Variants in PON2 observed in about 807,000 individuals in gnomAD.
PON2 encodes the protein paraoxonase 2.
Under a neutral mutation model 36.6 loss-of-function variants are expected in PON2, and 27 were observed. The observed-to-expected ratio is 0.74, with a 90% CI of 0.54 to 1.02. The LOEUF (loss-of-function observed/expected upper bound fraction) is 1.02. PON2 is among the 50% of genes least tolerant of loss of function. The probability of loss-of-function intolerance (pLI) is 0.00; values close to 1 mark genes in which losing one functional copy is unlikely to be tolerated. For missense variants in PON2, 363 were observed against 421.1 expected (o/e 0.86, Z 1.21); for synonymous variants, 149 against 156.3 (o/e 0.95, Z 0.35).
chr7:95,404,945 C>G lies in PON2; in HGVS notation c.*385G>C. On this transcript the variant is annotated 3_prime_UTR_variant, in exon 9 of 9. Transcript: ENST00000222572. ...AGTACAAAACATCAAAATACGTTAT[C>G]AGTAGTTCTAAACAGCCATAGTAGT... The G allele has an allele frequency of 5.5e-6, 1 of 182,728 alleles. No homozygotes were observed. Among genetic ancestry groups the G allele is most frequent in the Admixed American group, 5.6e-5 (1 of 17,900 alleles). The allele number at this position is 182,728 out of a possible 1,614,324, so 11.3% of individuals were successfully genotyped here.
At chr7:95,408,230 C>A (rs1809756575) in intron 6 of PON2, among the ~76,000 whole-genome samples, 1 of 152,082 alleles carries the variant, frequency 6.6e-6, no homozygotes, top group African/African-American at 2.4e-5. Context: ...CTTTGGGGAG[C>A]CCTTCAAGGC....
chr7:95,431,092 C>A (rs1042051515), intron 1 of PON2, among the ~76,000 whole-genome samples: 1 of 152,066 alleles, frequency 6.6e-6, no homozygotes, highest in Non-Finnish European at 1.5e-5. Context: ...TGTACCTTGA[C>A]ACCAGGAACT....
intron 6 of PON2, among the ~76,000 whole-genome samples, chr7:95,407,666 T>C (rs1354030041): frequency 2.0e-5 from 3 of 152,208 alleles, no homozygotes; most frequent in Non-Finnish European, 2.9e-5. Context: ...TGAAAAGCCA[T>C]GAACTCAGTG....
chr7:95,414,291 C>G (rs1264234119), intron 3 of PON2, among the ~76,000 whole-genome samples: 1 of 152,130 alleles, frequency 6.6e-6, no homozygotes, highest in Non-Finnish European at 1.5e-5. Flanking sequence ...CAATGTAGGA[C>G]CTCTTTATTT....
chr7:95,413,389 T>G (rs1788986004), intron 3 of PON2, among the ~76,000 whole-genome samples: 1 of 152,228 alleles, frequency 6.6e-6, no homozygotes, highest in Non-Finnish European at 1.5e-5. Context: ...AGATTACTGA[T>G]GGTTGTGGTG....
At chr7:95,431,025 T>C (rs1399552762) in intron 1 of PON2, among the ~76,000 whole-genome samples, 1 of 151,862 alleles carries the variant, frequency 6.6e-6, no homozygotes, top group East Asian at 1.9e-4. Context: ...ACTCTGGGGG[T>C]TCCTGCCCAC....
chr7:95,424,239 G>C (rs879301226), intron 2 of PON2: 2 of 459,358 alleles, frequency 4.4e-6, no homozygotes, highest in Non-Finnish European at 8.0e-6. Flanking sequence ...CAATACAGAC[G>C]CAACAAAAAT....
At chr7:95,406,283 T>C (rs1363429928) in intron 7 of PON2, 36 bp from the exon 8 acceptor site, 2 of 1,592,680 alleles carry the variant, frequency 1.3e-6, no homozygotes, top group Admixed American at 1.7e-5. Flanking sequence ...CTAAATGACA[T>C]GAGAAACTTG....
rs1005017454 is a variant in PON2 at position 95,434,966 on chromosome 7, G to A, written c.-15C>T. On this transcript the variant is annotated 5_prime_UTR_variant, in exon 1 of 9. Coordinates refer to ENST00000222572, the MANE Select transcript of PON2 (RefSeq NM_000305.3). ...AGCCGCCCCATGGCGCGGGAGCCGGGCGCGCTGCCTCGCTCCGGCCTGGCC... is the reference window on the plus strand; with the variant it reads ...AGCCGCCCCATGGCGCGGGAGCCGGACGCGCTGCCTCGCTCCGGCCTGGCC... 2.2e-5 allele frequency: 34 copies of A among 1,522,224 alleles called. No individual in the cohort carries two copies. The African/African-American group carries it at 4.4e-4, about 20-fold the overall frequency. The allele number at this position is 1,522,224 out of a possible 1,614,324, so 94.3% of individuals were successfully genotyped here. A position where few individuals can be genotyped will look rare whatever the true frequency, so the allele number is the denominator to read the frequency against.
intron 5 of PON2, among the ~76,000 whole-genome samples, chr7:95,411,027 A>G (rs1788910530): frequency 1.3e-5 from 2 of 152,172 alleles, no homozygotes; most frequent in African/African-American, 4.8e-5. Flanking sequence ...AAAAATATTC[A>G]TCAAGTTTAA....
At position 95,410,684 on chromosome 7, in the gene PON2, A is replaced by AGAGATTT. The variant is rs1312095246; in HGVS notation, c.495-590_495-584dup. 4.6e-5 allele frequency among the ~76,000 whole-genome samples: 7 copies of AGAGATTT among 152,170 alleles called. No individual in the cohort carries two copies. The East Asian group carries it at 1.3e-3, about 29-fold the overall frequency. ...TTGCCATAGTACAATGCTTCAGGTG[A>AGAGATTT]GAGATTTATATGCTAAAAACAATTT... On this transcript the variant is annotated intron_variant, in intron 5 of 8. Coordinates refer to ENST00000222572, the MANE Select transcript of PON2 (RefSeq NM_000305.3).
At chr7:95,407,696 G>C (rs1208253180) in intron 6 of PON2, among the ~76,000 whole-genome samples, 1 of 152,190 alleles carries the variant, frequency 6.6e-6, no homozygotes, top group East Asian at 1.9e-4. Context: ...ATATAAACAT[G>C]AAGAAGACAC....
intron 3 of PON2, chr7:95,412,689 G>A: frequency 3.5e-6 from 2 of 577,336 alleles, no homozygotes; most frequent in East Asian, 6.1e-5. Flanking sequence ...GAAGATCAGG[G>A]ATTTATTCTC....
intron 3 of PON2, chr7:95,415,176 C>T (rs1432826547): frequency 1.3e-5 from 2 of 152,182 alleles, no homozygotes; most frequent in Non-Finnish European, 2.9e-5. Flanking sequence ...GTTACTTCTT[C>T]CTCCAGAAAA....
At position 95,404,940 on chromosome 7, in the gene PON2, G is replaced by GTTA. The variant is rs3918; in HGVS notation, c.*387_*389dup. 47,991 of 182,822 alleles carry GTTA rather than the reference G, an allele frequency of 0.26. 6,891 individuals are homozygous for GTTA. The highest frequency in any genetic ancestry group is 0.34 in the South Asian group (2,821 of 8,292). The allele number at this position is 182,822 out of a possible 1,614,324, so 11.3% of individuals were successfully genotyped here. ...ATGTAAGTACAAAACATCAAAATAC[G>GTTA]TTATCAGTAGTTCTAAACAGCCATA... is the stretch of plus-strand genomic sequence containing the variant. On this transcript the variant is annotated 3_prime_UTR_variant, in exon 9 of 9. Coordinates refer to ENST00000222572, the MANE Select transcript of PON2 (RefSeq NM_000305.3).
At chr7:95,424,169 C>T (rs1285799345) in intron 2 of PON2, 1 of 330,006 alleles carries the variant, frequency 3.0e-6, no homozygotes, top group Non-Finnish European at 5.7e-6. Flanking sequence ...CATAAAGCTT[C>T]CTTCACTAGC....
At position 95,412,472 on chromosome 7, in the gene PON2, T is replaced by G. The variant is rs1238402741; in HGVS notation, c.207A>C (p.Leu69=). Residue 69 remains leucine (L), a synonymous_variant, in exon 4 of 9, where the codon CTA becomes CTC. Coordinates refer to ENST00000222572, the MANE Select transcript of PON2 (RefSeq NM_000305.3). The part of the protein sequence containing the change: ...PNGLAFFSVG[L]KFPGLHSFAP... The stretch of plus-strand genomic sequence containing the variant: ...CAAAGCTGTGGAGTCCTGGGAATTT[T>G]AGACCCTTTCCAAAACGGTGAAAAA... The G allele has an allele frequency of 1.9e-6, 3 of 1,613,920 alleles. No homozygotes were observed. In the African/African-American group the frequency reaches 4.0e-5, roughly 22 times the overall value.
intron 8 of PON2, among the ~76,000 whole-genome samples, 190 bp downstream of exon 8, chr7:95,405,929 C>T (rs1047626843): frequency 6.6e-6 from 1 of 152,128 alleles, no homozygotes; most frequent in African/African-American, 2.4e-5. Context: ...AAAAGATTAC[C>T]TTTCTTAAAG....
chr7:95,415,616 C>G (rs1284108978), intron 3 of PON2, among the ~76,000 whole-genome samples: 1 of 152,102 alleles, frequency 6.6e-6, no homozygotes, highest in Non-Finnish European at 1.5e-5. Flanking sequence ...TATTGAGTAT[C>G]CACAGTAAGA....
Sources: gnomAD v4.1 joint callset for allele counts (sites outside exome capture counted in the v4.1 genomes callset) on GRCh38, gnomAD v4.1.1 for gene constraint, MANE v1.5 for transcripts, NCBI Gene and HGNC (gene_info 2026-07-23, HGNC 2026-07-21) for gene names.